The following LRP1B variants were observed in gnomAD, a reference collection of about 807,000 sequenced individuals.
The protein encoded by LRP1B is LDL receptor related protein 1B.
LRP1B carries 217 observed loss-of-function variants against 556.6 expected under a neutral mutation model. The ratio of observed to expected loss-of-function variants is 0.39; its 90% CI spans 0.35 to 0.44. The LOEUF (loss-of-function observed/expected upper bound fraction) is 0.44. Ranked by LOEUF, LRP1B falls within the 20% of genes least tolerant of loss-of-function variation. LRP1B has a pLI of 1.00. For synonymous variants in LRP1B, 2,047 were observed against 1,865.8 expected (o/e 1.10, Z -2.50); for missense variants, 5,053 against 5,620.8 (o/e 0.90, Z 3.23).
chr2:141,351,036 T>C (rs1346296811), intron 3 of LRP1B, among the ~76,000 whole-genome samples: 1 of 152,076 alleles, frequency 6.6e-6, no homozygotes, highest in Non-Finnish European at 1.5e-5. Flanking sequence ...ATCTAATCAT[T>C]ATAACGGGTA....
At chr2:141,620,020 A>G (rs953198075) in intron 2 of LRP1B, among the ~76,000 whole-genome samples, 1 of 152,190 alleles carries the variant, frequency 6.6e-6, no homozygotes, top group African/African-American at 2.4e-5. Flanking sequence ...TGGTGCAATC[A>G]TAGCTCACTG....
intron 3 of LRP1B, among the ~76,000 whole-genome samples, chr2:141,322,047 C>T (rs1188679338): frequency 6.6e-6 from 1 of 151,942 alleles, no homozygotes; most frequent in African/African-American, 2.4e-5. Flanking sequence ...TCAGTGATCC[C>T]CTTGTTAACA....
At position 140,594,294 on chromosome 2, in the gene LRP1B, A is replaced by G. The variant is rs77049356; in HGVS notation, c.7194+4337T>C. ...CCATGTTAAAAAAATTAAAACAAAC[A>G]AGCAAAAATCATCTGTTTTCTGATC... On this transcript the variant is annotated intron_variant, in intron 43 of 90. Transcript: ENST00000389484. Among the ~76,000 whole-genome samples the G allele has an allele frequency of 2.2e-3, 339 of 152,306 alleles. 1 individual carries two copies. The highest frequency in any genetic ancestry group is 3.9e-3 in the Admixed American group (59 of 15,300).
intron 18 of LRP1B, among the ~76,000 whole-genome samples, chr2:140,969,922 A>G (rs1696360018): frequency 6.6e-6 from 1 of 152,166 alleles, no homozygotes; most frequent in Non-Finnish European, 1.5e-5. Flanking sequence ...CTTTGTGGGT[A>G]AAACCCGACC....
rs780861233 is a variant in LRP1B, at chr2:140,506,906, G to A, written c.8411C>T (p.Thr2804Ile). The A allele has an allele frequency of 6.2e-7, 1 of 1,613,546 alleles. No homozygotes were observed. Among genetic ancestry groups the A allele is most frequent in the South Asian group, 1.1e-5 (1 of 90,976 alleles). Residue 2804 changes from threonine to isoleucine, a missense_variant, in exon 53 of 91, where the codon ACA (threonine) becomes ATA (isoleucine). Physicochemically the swap from Thr to Ile is moderately conservative, Grantham distance 89. Transcript: ENST00000389484. Reference protein sequence around the residue: ...LSTAGCAPNNTCDENAFMCHN... With the variant: ...LSTAGCAPNNICDENAFMCHN... ...GCACATGAAAGCATTTTCATCACAT[G>A]TATTATTGGGAGCTAAGAAAGGCAT...
intron 2 of LRP1B, among the ~76,000 whole-genome samples, chr2:141,492,913 C>A (rs555600165): frequency 2.0e-5 from 3 of 152,202 alleles, no homozygotes; most frequent in East Asian, 3.9e-4. Flanking sequence ...TTCGAAATGA[C>A]ATTAACTCTG....
chr2:141,796,915 T>C (rs1695831948), intron 2 of LRP1B, among the ~76,000 whole-genome samples: 2 of 151,522 alleles, frequency 1.3e-5, no homozygotes, highest in Non-Finnish European at 2.9e-5. Flanking sequence ...CAATTAAATA[T>C]ATACACAAAA....
chr2:141,812,815 T>A (rs537321369), intron 1 of LRP1B, among the ~76,000 whole-genome samples: 3 of 152,208 alleles, frequency 2.0e-5, no homozygotes, highest in Admixed American at 1.3e-4. Flanking sequence ...AAGACTCTGA[T>A]CCAAGTGATG....
chr2:142,067,234 T>C (rs1705140981), intron 1 of LRP1B, among the ~76,000 whole-genome samples: 2 of 151,508 alleles, frequency 1.3e-5, no homozygotes, highest in African/African-American at 2.4e-5. Context: ...CTTAATAATA[T>C]CTGCAAAGTC....
rs944926723 is a variant in LRP1B, at chr2:140,792,034, C to T, written c.5360-15796G>A. Among the ~76,000 whole-genome samples, 3 of 152,150 alleles carry T rather than the reference C, an allele frequency of 2.0e-5. No individual in the cohort carries two copies. The South Asian group carries it at 6.2e-4, about 32-fold the overall frequency. ...GAATGACTCATTCCCTGACAGTAGGCACTGAGATGAGTGTGCATAAACAAA... is the reference window on the plus strand; with the variant it reads ...GAATGACTCATTCCCTGACAGTAGGTACTGAGATGAGTGTGCATAAACAAA... On this transcript the variant is annotated intron_variant, in intron 32 of 90. Coordinates refer to ENST00000389484, the MANE Select transcript of LRP1B (RefSeq NM_018557.3).
intron 41 of LRP1B, among the ~76,000 whole-genome samples, chr2:140,638,417 G>A (rs960531968): frequency 3.9e-5 from 6 of 152,102 alleles, no homozygotes; most frequent in African/African-American, 1.4e-4. Context: ...GGCGAGGCTG[G>A]GATTTAACCC....
chr2:140,897,678 T>C (rs1693991667), intron 23 of LRP1B, among the ~76,000 whole-genome samples: 1 of 152,168 alleles, frequency 6.6e-6, no homozygotes, highest in South Asian at 2.1e-4. Context: ...ATTTGCTAAG[T>C]CTTCTGGCCT....
chr2:140,629,804 C>G (rs979295604), intron 41 of LRP1B, among the ~76,000 whole-genome samples: 3 of 152,092 alleles, frequency 2.0e-5, no homozygotes, highest in African/African-American at 7.2e-5. Context: ...ACAAATTTTT[C>G]CTAGAGATCT....
intron 72 of LRP1B, among the ~76,000 whole-genome samples, chr2:140,363,459 G>T (rs1359346333): frequency 6.6e-6 from 1 of 151,390 alleles, no homozygotes; most frequent in Non-Finnish European, 1.5e-5. Context: ...AAGTGGAATA[G>T]AGAATAGAAA....
intron 1 of LRP1B, among the ~76,000 whole-genome samples, chr2:142,100,083 AT>A (rs1347496688): frequency 1.3e-5 from 2 of 151,952 alleles, no homozygotes; most frequent in South Asian, 4.1e-4. Flanking sequence ...GGTTTTCTAC[AT>A]TTATAAACAT....
At chr2:140,479,461 T>C (rs951954575) in intron 59 of LRP1B, among the ~76,000 whole-genome samples, 2 of 151,922 alleles carry the variant, frequency 1.3e-5, no homozygotes, top group Non-Finnish European at 2.9e-5. Context: ...CTGCGAGATA[T>C]AATGAAGTAT....
At chr2:141,664,708 A>G (rs956841542) in intron 2 of LRP1B, among the ~76,000 whole-genome samples, 4 of 135,018 alleles carry the variant, frequency 3.0e-5, no homozygotes, top group African/African-American at 1.0e-4. Context: ...ATCAGATAGG[A>G]AAAAAAACAT....
At chr2:140,287,401 G>T (rs903001571) in intron 84 of LRP1B, among the ~76,000 whole-genome samples, 3 of 151,630 alleles carry the variant, frequency 2.0e-5, no homozygotes, top group African/African-American at 7.3e-5. Flanking sequence ...TGTTAATCGA[G>T]AAATCAGTTA....
chr2:141,556,462 T>A (rs1301418449), intron 2 of LRP1B, among the ~76,000 whole-genome samples: 1 of 151,942 alleles, frequency 6.6e-6, no homozygotes, highest in African/African-American at 2.4e-5. Flanking sequence ...CCAAAAGTGG[T>A]ACATTCACCA....
Sources: gnomAD v4.1 joint callset for allele counts (sites outside exome capture counted in the v4.1 genomes callset) on GRCh38, gnomAD v4.1.1 for gene constraint, MANE v1.5 for transcripts, NCBI Gene and HGNC (gene_info 2026-07-23, HGNC 2026-07-21) for gene names.